TMPRSS4: variants seen among roughly 807,000 people sequenced by gnomAD.
TMPRSS4 encodes the protein transmembrane serine protease 4.
A neutral mutation model predicts 56.4 loss-of-function variants in TMPRSS4; 45 were observed. That is an observed-to-expected ratio of 0.80 (90% confidence interval 0.63 to 1.02). The LOEUF (loss-of-function observed/expected upper bound fraction) is 1.02, where lower values mean the gene tolerates loss of function less well. TMPRSS4 is among the 50% of genes least tolerant of loss of function. The probability of loss-of-function intolerance (pLI) is 0.00; values close to 1 mark genes in which losing one functional copy is unlikely to be tolerated. For missense variants in TMPRSS4, 546 were observed against 556.7 expected (o/e 0.98, Z 0.19); for synonymous variants, 205 against 211.0 (o/e 0.97, Z 0.25).
intron 5 of TMPRSS4, 120 bp downstream of exon 5, chr11:118,104,940 C>A: frequency 9.4e-7 from 1 of 1,059,614 alleles, no homozygotes. Context: ...GGCAGAATGG[C>A]TTTTGAATCC....
chr11:118,098,748 G>T (rs998357219), intron 2 of TMPRSS4, among the ~76,000 whole-genome samples: 2 of 152,170 alleles, frequency 1.3e-5, no homozygotes, highest in Non-Finnish European at 2.9e-5. Context: ...TGACCTGGGG[G>T]CTCCTTTGAG....
chr11:118,094,970 C>T (rs968622584), intron 2 of TMPRSS4, 115 bp downstream of exon 2: 9 of 1,052,200 alleles, frequency 8.6e-6, no homozygotes, highest in Non-Finnish European at 1.0e-5. Context: ...TGCTAAGTGC[C>T]ATGAGTGACA....
chr11:118,104,237 C>T (rs1946873704), intron 4 of TMPRSS4, among the ~76,000 whole-genome samples: 1 of 152,232 alleles, frequency 6.6e-6, no homozygotes, highest in African/African-American at 2.4e-5. Flanking sequence ...GGACTTCTCA[C>T]TCAACCTTCC....
At chr11:118,122,774 T>C (rs1467940921), downstream of TMPRSS4, among the ~76,000 whole-genome samples, 4 of 152,210 alleles carry the variant, frequency 2.6e-5, no homozygotes, top group East Asian at 5.8e-4. Context: ...ATGGATGCTA[T>C]TGTCTGAATG....
rs1179259892 is a variant in TMPRSS4, at chr11:118,120,809, C to T, written c.*2896C>T. On this transcript the variant is annotated 3_prime_UTR_variant, in exon 13 of 13. Transcript: ENST00000437212. ...TCAAGACAATGAGAGAGAGACAGTA[C>T]CAAAGAGATAAGAGCTGAGAATGTT... The T allele has an allele frequency of 6.6e-6, 1 of 152,034 alleles. No individual in the cohort carries two copies. The highest frequency in any genetic ancestry group is 1.5e-5 in the Non-Finnish European group (1 of 68,016). The allele number at this position is 152,034 out of a possible 1,614,324, so 9.4% of individuals were successfully genotyped here. A position where few individuals can be genotyped will look rare whatever the true frequency, so the allele number is the denominator to read the frequency against.
rs368846716 is a variant in TMPRSS4 at position 118,114,908 on chromosome 11, C to G, written c.990C>G (p.Gly330=). ...CCCCACTCTGGATCATTGGATGGGG[C>G]TTTACGAAGCAGAATGGAGGTAAGT... ...PATPLWIIGW[G]FTKQNGGKMS... The change falls in exon 10 of 13, where the codon GGC becomes GGG. Residue 330 remains glycine (G), a synonymous_variant. Coordinates refer to ENST00000437212, the MANE Select transcript of TMPRSS4 (RefSeq NM_019894.4). 1.2e-6 allele frequency: 2 copies of G among 1,603,964 alleles called. No homozygotes were observed. The highest frequency in any genetic ancestry group is 1.3e-5 in the African/African-American group (1 of 74,828).
rs992318080 is a variant in TMPRSS4, at chr11:118,114,437, G to A, written c.911-392G>A. Reference sequence around the variant, plus strand: ...GAGTGAGGGGAAGGCATGGCCCAGAGCCACCTGTGGCTTCCATGGGCAGGT... The same window carrying A: ...GAGTGAGGGGAAGGCATGGCCCAGAACCACCTGTGGCTTCCATGGGCAGGT... On this transcript the variant is annotated intron_variant, in intron 9 of 12. Coordinates refer to ENST00000437212, the MANE Select transcript of TMPRSS4 (RefSeq NM_019894.4). 2.6e-5 allele frequency among the ~76,000 whole-genome samples: 4 copies of A among 152,346 alleles called. No homozygotes were observed. In the East Asian group the frequency reaches 5.8e-4, roughly 22 times the overall value.
intron 9 of TMPRSS4, 24 bp downstream of exon 9, chr11:118,113,459 C>T (rs1337137614): frequency 1.2e-6 from 2 of 1,610,334 alleles, no homozygotes; most frequent in Admixed American, 1.7e-5. Context: ...CCCAAGGCCA[C>T]TCAAGCCTCT....
intron 12 of TMPRSS4, 159 bp downstream of exon 12, chr11:118,117,613 G>A (rs1380473803): frequency 2.0e-6 from 2 of 980,108 alleles, no homozygotes; most frequent in African/African-American, 3.5e-5. Context: ...GCACTATTAA[G>A]GCTGAAATTC....
rs752777227 is a variant in TMPRSS4, at chr11:118,107,758, C to T, written c.441-16C>T. ...TGCCCCAGCTCACAACTCTCTCTCC[C>T]TCTTGATGTGAGCAGCAAACCCACT... On this transcript the variant is annotated splice_polypyrimidine_tract_variant and intron_variant, in intron 5 of 12. Coordinates refer to ENST00000437212, the MANE Select transcript of TMPRSS4 (RefSeq NM_019894.4). 3 of 1,611,816 alleles carry T rather than the reference C, an allele frequency of 1.9e-6. No homozygotes were observed. The highest frequency in any genetic ancestry group is 2.2e-5 in the East Asian group (1 of 44,844).
At position 118,109,030 on chromosome 11, in the gene TMPRSS4, G is replaced by A. The variant is rs1947143244; in HGVS notation, c.583+134G>A. The A allele has an allele frequency of 1.2e-5, 10 of 864,354 alleles. No individual in the cohort carries two copies. The South Asian group carries it at 1.4e-4, about 12-fold the overall frequency. 53.5% of individuals were successfully genotyped at this position (864,354 alleles called of 1,614,324 possible). On this transcript the variant is annotated intron_variant, in intron 7 of 12. Transcript: ENST00000437212. The stretch of plus-strand genomic sequence containing the variant: ...TTGGTCTACAGCCCTTGGGCTTGTC[G>A]GTCAATGCCCCCTCGAGTTGTTGGT...
chr11:118,117,189 A>T, intron 11 of TMPRSS4, 116 bp from the exon 12 acceptor site: 1 of 1,022,200 alleles, frequency 9.8e-7, no homozygotes, highest in East Asian at 2.4e-5. Flanking sequence ...AGGGTGGAAT[A>T]TCGGAGAGCA....
chr11:118,108,633 A>G, intron 6 of TMPRSS4: 1 of 577,456 alleles, frequency 1.7e-6, no homozygotes, highest in Admixed American at 3.1e-5. Flanking sequence ...CCCAGCACAC[A>G]GTAGGTACTC....
chr11:118,115,403 T>G, intron 11 of TMPRSS4, 123 bp downstream of exon 11: 12 of 1,229,842 alleles, frequency 9.8e-6, no homozygotes, highest in South Asian at 1.5e-5. Context: ...CAATGTGTGA[T>G]GATGGGAGGA....
intron 2 of TMPRSS4, 28 bp from the exon 3 acceptor site, chr11:118,098,957 T>C (rs1946567142): frequency 1.3e-6 from 2 of 1,580,544 alleles, no homozygotes; most frequent in South Asian, 2.2e-5. Flanking sequence ...CTGCATGCTC[T>C]TCCCCTCTGC....
chr11:118,109,933 T>C (rs981965792), intron 7 of TMPRSS4, among the ~76,000 whole-genome samples: 6 of 152,196 alleles, frequency 3.9e-5, no homozygotes, highest in Non-Finnish European at 1.5e-5. Context: ...CTGCACTGAG[T>C]AGCCCTGAAG....
rs148261052 is a variant in TMPRSS4 at position 118,110,163 on chromosome 11, C to T, written c.583+1267C>T. Among the ~76,000 whole-genome samples the T allele has an allele frequency of 5.4e-4, 82 of 152,264 alleles. 1 individual carries two copies. Among genetic ancestry groups the T allele is most frequent in the African/African-American group, 1.9e-3 (79 of 41,552 alleles). ...GAAAAGCCCATGTCTGTCTGTCTTG[C>T]CCACCACTCTCTCCCAGCACCCAGC... On this transcript the variant is annotated intron_variant, in intron 7 of 12. Coordinates refer to ENST00000437212, the MANE Select transcript of TMPRSS4 (RefSeq NM_019894.4).
At chr11:118,087,113 C>A (rs1945621905) in intron 1 of TMPRSS4, among the ~76,000 whole-genome samples, 1 of 152,204 alleles carries the variant, frequency 6.6e-6, no homozygotes, top group Non-Finnish European at 1.5e-5. Context: ...CCATCTCTGG[C>A]TCTAGGTTTT....
In TMPRSS4 at chr11:118,111,870, A is replaced by T; in HGVS notation, c.713A>T (p.His238Leu). ...TGTGGAGGGAGCATCCTGGACCCCCACTGGGTCCTCACGGCAGCCCACTGC... is the reference window on the plus strand; with the variant it reads ...TGTGGAGGGAGCATCCTGGACCCCCTCTGGGTCCTCACGGCAGCCCACTGC... ...HVCGGSILDP[H>L]WVLTAAHCFR... The change falls in exon 8 of 13, where the codon CAC (histidine) becomes CTC (leucine). Residue 238 changes from histidine (H) to leucine (L), a missense_variant. Transcript: ENST00000437212. The T allele has an allele frequency of 6.2e-7, 1 of 1,609,586 alleles. No homozygotes were observed. Among genetic ancestry groups the T allele is most frequent in the Non-Finnish European group, 8.5e-7 (1 of 1,178,154 alleles).
Sources: allele counts gnomAD v4.1 joint callset (sites outside exome capture counted in the v4.1 genomes callset), GRCh38; gene constraint gnomAD v4.1.1; transcripts MANE v1.5; gene names NCBI Gene and HGNC (gene_info 2026-07-23, HGNC 2026-07-21).